The following CPQ variants were observed in gnomAD, a reference collection of about 807,000 sequenced individuals.
CPQ encodes the protein Ser-Met dipeptidase.
Under a neutral mutation model 45.7 loss-of-function variants are expected in CPQ, and 37 were observed. The observed-to-expected ratio is 0.81, with a 90% CI of 0.62 to 1.07. The LOEUF is 1.07. CPQ is among the 50% of genes least tolerant of loss of function. CPQ has a pLI of 0.00. For missense variants in CPQ, 537 were observed against 572.9 expected, an observed-to-expected ratio of 0.94 and a Z score of 0.64; for synonymous variants, 186 against 205.8, an observed-to-expected ratio of 0.90 and a Z score of 0.82.
intron 1 of CPQ, among the ~76,000 whole-genome samples, chr8:96,752,132 T>A (rs1033325836): frequency 2.0e-5 from 3 of 152,188 alleles, no homozygotes; most frequent in Non-Finnish European, 4.4e-5. Flanking sequence ...CTTTGTTCCA[T>A]ACAAGCTTTA....
At chr8:96,672,733 G>T (rs1586353051) in intron 1 of CPQ, among the ~76,000 whole-genome samples, 1 of 152,002 alleles carries the variant, frequency 6.6e-6, no homozygotes, top group South Asian at 2.1e-4. Flanking sequence ...AGCTGAGCTT[G>T]CATCACTTTA....
At chr8:96,867,228 T>C (rs1473203716) in intron 3 of CPQ, among the ~76,000 whole-genome samples, 23 of 152,070 alleles carry the variant, frequency 1.5e-4, no homozygotes, top group Admixed American at 1.5e-3. Context: ...ATTTAATTTC[T>C]CAATTTCTTA....
At chr8:96,847,296 A>G (rs1377520227) in intron 3 of CPQ, among the ~76,000 whole-genome samples, 1 of 152,214 alleles carries the variant, frequency 6.6e-6, no homozygotes, top group African/African-American at 2.4e-5. Flanking sequence ...TGAATCAATC[A>G]TTGTACTGGA....
intron 7 of CPQ, among the ~76,000 whole-genome samples, chr8:97,122,971 T>TAA (rs1385806600): frequency 1.8e-5 from 1 of 54,404 alleles, no homozygotes; most frequent in Non-Finnish European, 3.0e-5. Context: ...TAAAATAAAA[T>TAA]AAAATAAAAT....
chr8:96,848,517 C>T (rs185455303), intron 3 of CPQ, among the ~76,000 whole-genome samples: 4 of 152,248 alleles, frequency 2.6e-5, no homozygotes, highest in Middle Eastern at 3.4e-3. Flanking sequence ...TTTGATTGCT[C>T]TTTGTATGAC....
intron 1 of CPQ, among the ~76,000 whole-genome samples, chr8:96,669,421 C>G (rs1808973081): frequency 6.6e-6 from 1 of 152,200 alleles, no homozygotes; most frequent in Non-Finnish European, 1.5e-5. Context: ...GTACCTCTAT[C>G]TGGCATTGAT....
intron 1 of CPQ, among the ~76,000 whole-genome samples, chr8:96,725,391 AAACT>A (rs1455924387): frequency 6.6e-6 from 1 of 152,182 alleles, no homozygotes; most frequent in Non-Finnish European, 1.5e-5. Flanking sequence ...AACAAACCAA[AAACT>A]AATAACCTCA....
chr8:96,701,741 CT>C (rs1333903731), intron 1 of CPQ, among the ~76,000 whole-genome samples: 2 of 152,176 alleles, frequency 1.3e-5, no homozygotes, highest in African/African-American at 4.8e-5. Context: ...AGCCCTGGCC[CT>C]GCAAAGTTTG....
At chr8:97,096,461 T>A (rs1032625547) in intron 7 of CPQ, among the ~76,000 whole-genome samples, 1 of 152,192 alleles carries the variant, frequency 6.6e-6, no homozygotes, top group African/African-American at 2.4e-5. Context: ...AAATAAGATA[T>A]GAACCTCCCT....
rs185255713 is a variant in CPQ at position 96,714,891 on chromosome 8, G to A, written c.-35+69489G>A. Among the ~76,000 whole-genome samples, 26 of 152,182 alleles carry A rather than the reference G, an allele frequency of 1.7e-4. No homozygotes were observed. The East Asian group carries it at 4.8e-3, about 28-fold the overall frequency. The stretch of plus-strand genomic sequence containing the variant: ...AATGAAGCTCTTGGTGCTTTCAGGG[G>A]TGAAGACTCTGTATGAAATTCGTTG... On this transcript the variant is annotated intron_variant, in intron 1 of 7. Coordinates refer to ENST00000220763, the MANE Select transcript of CPQ (RefSeq NM_016134.4).
intron 1 of CPQ, among the ~76,000 whole-genome samples, chr8:96,662,657 G>A (rs1326827510): frequency 6.6e-6 from 1 of 152,100 alleles, no homozygotes; most frequent in African/African-American, 2.4e-5. Flanking sequence ...AAGGAGCTGG[G>A]GTCTGGCATT....
chr8:96,797,227 A>G (rs531614314), intron 2 of CPQ, among the ~76,000 whole-genome samples: 5 of 152,202 alleles, frequency 3.3e-5, no homozygotes, highest in South Asian at 4.1e-4. Context: ...GGTGACACTT[A>G]AATTACTTCT....
At chr8:96,900,149 A>C (rs1812496570) in intron 4 of CPQ, among the ~76,000 whole-genome samples, 1 of 152,198 alleles carries the variant, frequency 6.6e-6, no homozygotes, top group Non-Finnish European at 1.5e-5. Flanking sequence ...TGCTCATGCC[A>C]GTATAATAAA....
chr8:96,670,482 C>T (rs1190895204), intron 1 of CPQ, among the ~76,000 whole-genome samples: 2 of 151,846 alleles, frequency 1.3e-5, no homozygotes, highest in Admixed American at 6.6e-5. Context: ...AAAGATCAAT[C>T]AAAGGAAAGC....
At chr8:96,651,918 T>C (rs1399350875) in intron 1 of CPQ, among the ~76,000 whole-genome samples, 2 of 152,210 alleles carry the variant, frequency 1.3e-5, no homozygotes, top group African/African-American at 4.8e-5. Context: ...CCATACAATG[T>C]GGAATGATTA....
chr8:96,694,009 TGTTA>T (rs1809338892), intron 1 of CPQ, among the ~76,000 whole-genome samples: 1 of 152,184 alleles, frequency 6.6e-6, no homozygotes, highest in South Asian at 2.1e-4. Context: ...TTTGCTTGCT[TGTTA>T]GTTTGTTAAT....
chr8:96,897,619 T>G (rs1158416833), intron 4 of CPQ, among the ~76,000 whole-genome samples: 1 of 152,202 alleles, frequency 6.6e-6, no homozygotes, highest in Non-Finnish European at 1.5e-5. Context: ...CTTCAGACTA[T>G]GTGTATAAGG....
intron 1 of CPQ, among the ~76,000 whole-genome samples, chr8:96,780,541 G>A (rs577113839): frequency 6.6e-6 from 1 of 151,936 alleles, no homozygotes; most frequent in Non-Finnish European, 1.5e-5. Context: ...AAAGAGACAG[G>A]TAAAATCAAT....
chr8:97,043,173 T>G (rs1473137749), intron 6 of CPQ, among the ~76,000 whole-genome samples: 1 of 152,226 alleles, frequency 6.6e-6, no homozygotes, highest in Non-Finnish European at 1.5e-5. Flanking sequence ...GGTGCTCCTG[T>G]ATTGGGTGCA....
Sources: allele counts gnomAD v4.1 joint callset (sites outside exome capture counted in the v4.1 genomes callset), GRCh38; gene constraint gnomAD v4.1.1; transcripts MANE v1.5; gene names NCBI Gene and HGNC (gene_info 2026-07-23, HGNC 2026-07-21).